Variants in ANKRD26 observed in about 807,000 individuals in gnomAD.
ANKRD26 encodes the protein ankyrin repeat domain 26, also known as ankyrin repeat domain-containing protein 26.
Under a neutral mutation model 208.7 loss-of-function variants are expected in ANKRD26, and 141 were observed. That is an observed-to-expected ratio of 0.68 (90% CI 0.59 to 0.78). The LOEUF is 0.78. Ranked by LOEUF, ANKRD26 falls within the 30% of genes least tolerant of loss-of-function variation. The probability of loss-of-function intolerance (pLI) is 0.00; values close to 1 mark genes in which losing one functional copy is unlikely to be tolerated. For missense variants in ANKRD26, 1,889 were observed against 1,938.7 expected (o/e 0.97, Z 0.48); for synonymous variants, 636 against 660.4 (o/e 0.96, Z 0.57).
chr10:27,023,978 C>CCACA (rs1589232033), intron 28 of ANKRD26, among the ~76,000 whole-genome samples: 1 of 26,768 alleles, frequency 3.7e-5, no homozygotes, highest in East Asian at 3.2e-3. Context: ...TATTTTATTA[C>CCACA]TACACACACA....
the ANKRD26 span, among the ~76,000 whole-genome samples, chr10:26,949,143 T>G: frequency 6.6e-6 from 1 of 152,130 alleles, no homozygotes; most frequent in Non-Finnish European, 1.5e-5. Flanking sequence ...ACAGAAAATT[T>G]TAATGGTTTA....
At chr10:26,999,637 A>T (rs1249847012), downstream of ANKRD26, among the ~76,000 whole-genome samples, 3 of 152,128 alleles carry the variant, frequency 2.0e-5, no homozygotes, top group Non-Finnish European at 4.4e-5. Flanking sequence ...TGCTGCTCTT[A>T]GGAGGCATTC....
At chr10:27,076,589 T>G (rs1436423475) in intron 9 of ANKRD26, among the ~76,000 whole-genome samples, 2 of 151,990 alleles carry the variant, frequency 1.3e-5, no homozygotes, top group African/African-American at 4.8e-5. Flanking sequence ...GATACACAGT[T>G]GATAGACCAC....
At chr10:27,017,333 T>C (rs182855326) in intron 30 of ANKRD26, among the ~76,000 whole-genome samples, 169 bp downstream of exon 30, 2 of 152,320 alleles carry the variant, frequency 1.3e-5, no homozygotes, top group East Asian at 1.9e-4. Context: ...AATTTAGTTA[T>C]AATAATGATG....
intron 20 of ANKRD26, among the ~76,000 whole-genome samples, chr10:27,041,595 A>G (rs2054241653): frequency 1.3e-5 from 2 of 152,262 alleles, no homozygotes; most frequent in South Asian, 4.1e-4. Context: ...GGCATGGAAG[A>G]TATTTTTTAA....
At chr10:27,029,215 A>G in intron 26 of ANKRD26, 71 bp downstream of exon 26, 1 of 1,490,022 alleles carries the variant, frequency 6.7e-7, no homozygotes. Context: ...TAGCTGATAT[A>G]ATTCTCATAC....
intron 30 of ANKRD26, among the ~76,000 whole-genome samples, chr10:27,016,815 A>G (rs2053308678): frequency 6.6e-6 from 1 of 152,042 alleles, no homozygotes; most frequent in Non-Finnish European, 1.5e-5. Flanking sequence ...CTGGGTAATT[A>G]TTGTGTATTT....
chr10:26,964,308 A>G, the ANKRD26 span, among the ~76,000 whole-genome samples: 2 of 152,100 alleles, frequency 1.3e-5, no homozygotes, highest in Admixed American at 6.5e-5. Context: ...TCAGAGAACC[A>G]CTCCAGACTG....
chr10:26,957,909 C>T, the ANKRD26 span, among the ~76,000 whole-genome samples: 1 of 151,958 alleles, frequency 6.6e-6, no homozygotes, highest in Non-Finnish European at 1.5e-5. Flanking sequence ...TAATACAAGC[C>T]ATTAGGAGGA....
chr10:27,046,552 T>C (rs1223696288), intron 17 of ANKRD26, 29 bp from the exon 18 acceptor site: 1 of 1,605,146 alleles, frequency 6.2e-7, no homozygotes, highest in Non-Finnish European at 8.5e-7. Flanking sequence ...AAATGACAGT[T>C]ACATAAGAAA....
chr10:27,027,849 C>T (rs2053717780), intron 27 of ANKRD26, among the ~76,000 whole-genome samples: 2 of 152,296 alleles, frequency 1.3e-5, no homozygotes, highest in South Asian at 2.1e-4. Context: ...CTTATTAATA[C>T]AACTTTTTGA....
rs113853688 is a variant in ANKRD26 at position 27,046,328 on chromosome 10, A to G, written c.1985+25T>C. On this transcript the variant is annotated intron_variant, in intron 18 of 33. Coordinates refer to ENST00000376087, the MANE Select transcript of ANKRD26 (RefSeq NM_014915.3). Reference sequence around the variant, plus strand: ...ATTACTACTAACCTTCCTCCATAGAAAAATAAAGAAATCATAGATTTTACC... The same window carrying G: ...ATTACTACTAACCTTCCTCCATAGAGAAATAAAGAAATCATAGATTTTACC... The G allele has an allele frequency of 2.3e-3, 3,664 of 1,611,994 alleles. 87 individuals are homozygous for G. The African/African-American group carries it at 0.042, about 19-fold the overall frequency.
the ANKRD26 span, among the ~76,000 whole-genome samples, chr10:26,950,751 C>G: frequency 6.6e-6 from 1 of 150,476 alleles, no homozygotes; most frequent in African/African-American, 2.4e-5. Context: ...CCAGTTAAAC[C>G]TTTTTTCTTT....
intron 20 of ANKRD26, among the ~76,000 whole-genome samples, chr10:27,042,424 C>A (rs1032222648): frequency 1.3e-5 from 2 of 151,740 alleles, no homozygotes; most frequent in Non-Finnish European, 2.9e-5. Flanking sequence ...TGAGACCAGC[C>A]TGGCCAACAT....
chr10:27,093,726 G>C lies in ANKRD26; in HGVS notation c.316C>G (p.Leu106Val), dbSNP rs1460543308. Reference sequence around the variant, plus strand: ...CTGTTTTCGTTGTCACAGACATTGAGCTGGCATTTTCTGTCCACCAGGAGA... The same window carrying C: ...CTGTTTTCGTTGTCACAGACATTGACCTGGCATTTTCTGTCCACCAGGAGA... Reference protein sequence around the residue: ...VTLLVDRKCQLNVCDNENRTA... With the variant: ...VTLLVDRKCQVNVCDNENRTA... The change falls in exon 2 of 34, where the codon CTC (leucine) becomes GTC (valine). Residue 106 changes from leucine (L) to valine (V), a missense_variant. Leu to Val is a conservative substitution (Grantham distance 32, BLOSUM62 1). Transcript: ENST00000376087. 6.2e-7 allele frequency: 1 copy of C among 1,614,208 alleles called. No homozygotes were observed. The highest frequency in any genetic ancestry group is 1.3e-5 in the African/African-American group (1 of 75,042).
chr10:27,048,566 G>A (rs2054539679), intron 17 of ANKRD26, among the ~76,000 whole-genome samples: 1 of 152,060 alleles, frequency 6.6e-6, no homozygotes, highest in African/African-American at 2.4e-5. Flanking sequence ...GTATGAGAAT[G>A]CCTTTTTTCT....
chr10:27,090,539 C>T (rs1327643409), intron 4 of ANKRD26, among the ~76,000 whole-genome samples: 2 of 152,128 alleles, frequency 1.3e-5, no homozygotes, highest in Non-Finnish European at 2.9e-5. Flanking sequence ...TACTAATAGA[C>T]ATAAGCATCT....
chr10:26,961,938 T>C, the ANKRD26 span, among the ~76,000 whole-genome samples: 3 of 152,210 alleles, frequency 2.0e-5, no homozygotes, highest in South Asian at 6.2e-4. Flanking sequence ...ACAAAATATA[T>C]GTGTATAACA....
chr10:27,033,120 T>A, intron 25 of ANKRD26, 105 bp downstream of exon 25: 1 of 737,752 alleles, frequency 1.4e-6, no homozygotes, highest in Non-Finnish European at 1.9e-6. Context: ...AAATTAATTA[T>A]AATGAAAACA....
Sources: gnomAD v4.1 joint callset for allele counts (sites outside exome capture counted in the v4.1 genomes callset) on GRCh38, gnomAD v4.1.1 for gene constraint, MANE v1.5 for transcripts, NCBI Gene and HGNC (gene_info 2026-07-23, HGNC 2026-07-21) for gene names.